Variants in RGS12 observed in about 807,000 individuals in gnomAD.
The protein encoded by RGS12 is regulator of G protein signaling 12.
A neutral mutation model predicts 120.1 loss-of-function variants in RGS12; 66 were observed. The observed-to-expected ratio is 0.55, with a 90% CI of 0.45 to 0.67. The LOEUF (loss-of-function observed/expected upper bound fraction) is 0.67, where lower values mean the gene tolerates loss of function less well. Among genes scored for constraint, RGS12 ranks in the 30% least tolerant of loss-of-function variants. The pLI is 0.00. For missense variants in RGS12, 1,859 were observed against 1,957.7 expected (o/e 0.95, Z 0.95); for synonymous variants, 827 against 804.7 (o/e 1.03, Z -0.47).
chr4:3,300,141 C>T (rs1473961192), intron 1 of RGS12, among the ~76,000 whole-genome samples: 4 of 152,236 alleles, frequency 2.6e-5, no homozygotes, highest in Admixed American at 2.0e-4. Context: ...CTGGTGGCAT[C>T]GCTGCAGGCT....
intron 17 of RGS12, among the ~76,000 whole-genome samples, chr4:3,439,122 AG>A (rs1725080160): frequency 6.7e-6 from 1 of 148,366 alleles, no homozygotes; most frequent in African/African-American, 2.5e-5. Context: ...AGGAGGAATT[AG>A]GGGGGCAGTT....
At chr4:3,351,353 T>C (rs952381028) in intron 3 of RGS12, among the ~76,000 whole-genome samples, 1 of 152,220 alleles carries the variant, frequency 6.6e-6, no homozygotes, top group African/African-American at 2.4e-5. Flanking sequence ...GCTTAAGGTT[T>C]TAACCTGTTT....
intron 17 of RGS12, among the ~76,000 whole-genome samples, chr4:3,437,090 C>T (rs930175297): frequency 3.3e-5 from 5 of 152,134 alleles, no homozygotes; most frequent in African/African-American, 9.7e-5. Context: ...AGGTGCTCCC[C>T]GGGCAGGCCC....
At position 3,390,737 on chromosome 4, in the gene RGS12, T is replaced by A. The variant is rs1466801478; in HGVS notation, c.2020+4300T>A. 6.6e-6 allele frequency among the ~76,000 whole-genome samples: 1 copy of A among 152,198 alleles called. No individual in the cohort carries two copies. Among genetic ancestry groups the A allele is most frequent in the Non-Finnish European group, 1.5e-5 (1 of 68,038 alleles). On this transcript the variant is annotated intron_variant, in intron 4 of 17. Transcript: ENST00000336727. This position sits in a 1 kb window ranked among gnomAD's most constrained non-coding sequence, Gnocchi z 4.6. ...GCAAGTCACTTTCTCTCTCCTAGCC[T>A]TGTGTCTTCATCTCGCCGGTCCTTG...
At chr4:3,430,105 A>G (rs1577102833) in intron 16 of RGS12, among the ~76,000 whole-genome samples, 1 of 152,344 alleles carries the variant, frequency 6.6e-6, no homozygotes, top group South Asian at 2.1e-4. Flanking sequence ...CTCAGACGGC[A>G]TCAGCGCGTA....
chr4:3,359,558 T>C (rs940868959), intron 3 of RGS12, among the ~76,000 whole-genome samples: 1 of 147,368 alleles, frequency 6.8e-6, no homozygotes, highest in Non-Finnish European at 1.5e-5. Context: ...GAGATTTTTC[T>C]TTATTACTGA....
chr4:3,403,026 A>G (rs958472821), intron 4 of RGS12, among the ~76,000 whole-genome samples: 5 of 152,170 alleles, frequency 3.3e-5, no homozygotes, highest in African/African-American at 1.2e-4. Context: ...CAAGTGACAT[A>G]ATTCACTCGT....
intron 3 of RGS12, among the ~76,000 whole-genome samples, chr4:3,354,317 G>A (rs1011696651): frequency 5.3e-5 from 8 of 152,074 alleles, no homozygotes; most frequent in Admixed American, 6.5e-5. Flanking sequence ...TGGCTGTAGG[G>A]GATTAGGGCT....
intron 4 of RGS12, among the ~76,000 whole-genome samples, chr4:3,387,689 C>T (rs1201536262): frequency 6.6e-6 from 1 of 152,138 alleles, no homozygotes; most frequent in Non-Finnish European, 1.5e-5. Context: ...AGAAACAGGA[C>T]CCGGAACCAA....
chr4:3,315,470 A>G (rs1724677746), intron 1 of RGS12, among the ~76,000 whole-genome samples: 1 of 152,220 alleles, frequency 6.6e-6, no homozygotes, highest in African/African-American at 2.4e-5. Context: ...TTTCAGGCTA[A>G]TACGTTTTCC....
intron 15 of RGS12, 80 bp from the exon 16 acceptor site, chr4:3,428,478 C>G (rs1723909909): frequency 2.5e-6 from 3 of 1,208,058 alleles, no homozygotes; most frequent in Admixed American, 4.5e-5. Context: ...TTTCATAGAG[C>G]CTTCTACTCT....
intron 17 of RGS12, among the ~76,000 whole-genome samples, chr4:3,434,264 A>T (rs144259979): frequency 2.8e-4 from 43 of 152,200 alleles, no homozygotes; most frequent in Admixed American, 5.9e-4. Context: ...GAGACTCACT[A>T]TCATGAGAAC....
At chr4:3,377,690 T>C (rs1024406022) in intron 3 of RGS12, among the ~76,000 whole-genome samples, 1 of 152,248 alleles carries the variant, frequency 6.6e-6, no homozygotes, top group Non-Finnish European at 1.5e-5. Context: ...TTTAAAACTT[T>C]CAAAACATTC....
chr4:3,288,069 T>C (rs369278912), upstream of RGS12, among the ~76,000 whole-genome samples: 9 of 152,216 alleles, frequency 5.9e-5, no homozygotes, highest in Non-Finnish European at 1.3e-4. This position sits in a 1 kb window ranked among gnomAD's most constrained non-coding sequence, Gnocchi z 5.2. Flanking sequence ...CGTGGGCCCG[T>C]ACCTGCTGGC....
intron 4 of RGS12, among the ~76,000 whole-genome samples, chr4:3,401,166 G>A (rs1720541049): frequency 6.6e-6 from 1 of 152,056 alleles, no homozygotes; most frequent in Non-Finnish European, 1.5e-5. Flanking sequence ...TATGTATGTT[G>A]GTAAAAATGC....
At chr4:3,345,140 T>C (rs1277643480) in intron 3 of RGS12, among the ~76,000 whole-genome samples, 1 of 152,208 alleles carries the variant, frequency 6.6e-6, no homozygotes, top group African/African-American at 2.4e-5. Context: ...TGTTTTGAGA[T>C]AATTATCTTA....
intron 1 of RGS12, among the ~76,000 whole-genome samples, chr4:3,308,846 C>T (rs1453226717): frequency 6.6e-6 from 1 of 152,244 alleles, no homozygotes; most frequent in African/African-American, 2.4e-5. Flanking sequence ...TGTTGCATCC[C>T]GGGTTACCTG....
rs1379164954 is a variant in RGS12, at chr4:3,422,539, C to T, written c.3002C>T (p.Ala1001Val). Residue 1001 changes from alanine (A) to valine (V), a missense_variant, in exon 11 of 18, where the codon GCC becomes GTC. Ala to Val is a moderately conservative substitution (Grantham distance 64, BLOSUM62 0). Around this residue, in one of 3 missense-constraint regions of RGS12, gnomAD observed 375 missense variants for 475.0 expected, o/e 0.79. Coordinates refer to ENST00000336727, the MANE Select transcript of RGS12 (RefSeq NM_001394154.1). ...GAGCGGCATGGCATCAACGGGGCGG[C>T]CGCGGACCTCTTCCTGGTGGGCGGG... Reference protein sequence around the residue: ...LCERHGINGAAADLFLVGGDK... With the variant: ...LCERHGINGAVADLFLVGGDK... 6.2e-7 allele frequency: 1 copy of T among 1,612,548 alleles called. No homozygotes were observed. The highest frequency in any genetic ancestry group is 8.5e-7 in the Non-Finnish European group (1 of 1,179,954).
rs1452611961 is a variant in RGS12, at chr4:3,433,184, T to C, written c.4114+2229T>C. On this transcript the variant is annotated intron_variant, in intron 17 of 17. Transcript: ENST00000336727. This position sits in a 1 kb window ranked among gnomAD's most constrained non-coding sequence, Gnocchi z 4.4. ...TCAGGGTTTAGGAGCTTGGGGGTCA[T>C]CCCGGGTCACGCTCTCCGACGTTGA... Among the ~76,000 whole-genome samples, 2 of 152,172 alleles carry C rather than the reference T, an allele frequency of 1.3e-5. No homozygotes were observed. The highest frequency in any genetic ancestry group is 4.8e-5 in the African/African-American group (2 of 41,436).
Sources: gnomAD v4.1 joint callset for allele counts (sites outside exome capture counted in the v4.1 genomes callset) on GRCh38, gnomAD v4.1.1 for gene constraint, gnomAD v4.1.1 regional missense constraint, Gnocchi (gnomAD v3.1) non-coding constraint, MANE v1.5 for transcripts, NCBI Gene and HGNC (gene_info 2026-07-23, HGNC 2026-07-21) for gene names.